The following TIAM1 variants were observed in gnomAD, a reference collection of about 807,000 sequenced individuals.
TIAM1 encodes the protein rho guanine nucleotide exchange factor TIAM1.
Under a neutral mutation model 163.5 loss-of-function variants are expected in TIAM1, and 65 were observed. The observed-to-expected ratio is 0.40, with a 90% CI of 0.33 to 0.49. TIAM1 has a LOEUF of 0.49. Ranked by LOEUF, TIAM1 falls within the 20% of genes least tolerant of loss-of-function variation. TIAM1 has a pLI of 0.77. For synonymous variants in TIAM1, 833 were observed against 810.1 expected (o/e 1.03, Z -0.48); for missense variants, 1,789 against 2,044.7 (o/e 0.87, Z 2.41).
intron 3 of TIAM1, among the ~76,000 whole-genome samples, chr21:31,271,807 A>G (rs1255155495): frequency 6.6e-6 from 1 of 152,148 alleles, no homozygotes; most frequent in African/African-American, 2.4e-5. Flanking sequence ...TATGGGGTCA[A>G]AGCATCAGGA....
intron 2 of TIAM1, among the ~76,000 whole-genome samples, chr21:31,360,967 G>A (rs752325704): frequency 6.6e-6 from 1 of 152,020 alleles, no homozygotes; most frequent in Non-Finnish European, 1.5e-5. Flanking sequence ...AGTGTAATTG[G>A]GTCAGGCACT....
intron 10 of TIAM1, among the ~76,000 whole-genome samples, chr21:31,210,959 T>C (rs897127178): frequency 9.3e-5 from 14 of 150,786 alleles, no homozygotes; most frequent in South Asian, 2.1e-4. Context: ...TTTTTTTTTT[T>C]CAAAAAGATC....
chr21:31,323,256 C>G (rs2075375509), intron 2 of TIAM1, among the ~76,000 whole-genome samples: 1 of 151,176 alleles, frequency 6.6e-6, no homozygotes, highest in Non-Finnish European at 1.5e-5. Flanking sequence ...CCACTGTACT[C>G]CAGCCTGGGC....
chr21:31,144,735 A>G (rs9976219), intron 20 of TIAM1, among the ~76,000 whole-genome samples: 67,130 of 150,038 alleles, frequency 0.45, 15,445 homozygotes, highest in East Asian at 0.71. Context: ...AGGCTGAGGC[A>G]GGATAATCAC....
intron 14 of TIAM1, among the ~76,000 whole-genome samples, chr21:31,184,680 T>TA (rs892011145): frequency 6.6e-6 from 1 of 152,106 alleles, no homozygotes; most frequent in African/African-American, 2.4e-5. Flanking sequence ...ATGAAAGAGA[T>TA]AAAAATCAGT....
chr21:31,178,781 C>T (rs1257619095), intron 15 of TIAM1, among the ~76,000 whole-genome samples: 1 of 151,868 alleles, frequency 6.6e-6, no homozygotes, highest in Admixed American at 6.6e-5. Flanking sequence ...GATGGAGTTT[C>T]GCTCTTGTTG....
At chr21:31,306,790 G>C (rs1341047016) in intron 2 of TIAM1, among the ~76,000 whole-genome samples, 1 of 152,142 alleles carries the variant, frequency 6.6e-6, no homozygotes, top group African/African-American at 2.4e-5. Context: ...CTAAAGACAC[G>C]AGACAATCAC....
intron 2 of TIAM1, among the ~76,000 whole-genome samples, chr21:31,405,138 T>C (rs1213630015): frequency 1.3e-5 from 2 of 152,072 alleles, no homozygotes; most frequent in Non-Finnish European, 2.9e-5. Flanking sequence ...TCCCAAGTAC[T>C]CGGAAGGCTA....
At chr21:31,511,693 C>A (rs1345060766) in intron 1 of TIAM1, among the ~76,000 whole-genome samples, 1 of 152,170 alleles carries the variant, frequency 6.6e-6, no homozygotes, top group African/African-American at 2.4e-5. Context: ...CTGGGTCGGG[C>A]CTCCCCGATC....
intron 16 of TIAM1, among the ~76,000 whole-genome samples, chr21:31,158,350 G>A (rs1263663281): frequency 2.0e-5 from 3 of 152,206 alleles, no homozygotes; most frequent in Non-Finnish European, 4.4e-5. Context: ...TATTAGGTAC[G>A]ACCTAGGCCT....
intron 2 of TIAM1, among the ~76,000 whole-genome samples, chr21:31,310,404 C>T (rs1215805480): frequency 6.6e-6 from 1 of 152,152 alleles, no homozygotes; most frequent in Non-Finnish European, 1.5e-5. Context: ...GTGACATAGG[C>T]AGTAAGTAAA....
intron 12 of TIAM1, among the ~76,000 whole-genome samples, chr21:31,201,574 G>C (rs1452034916): frequency 1.3e-5 from 2 of 152,180 alleles, no homozygotes; most frequent in Non-Finnish European, 2.9e-5. Flanking sequence ...CCTTAAAGTT[G>C]GCAAGAGTTT....
chr21:31,205,878 G>C (rs1395509483), intron 11 of TIAM1, among the ~76,000 whole-genome samples: 1 of 152,128 alleles, frequency 6.6e-6, no homozygotes, highest in Non-Finnish European at 1.5e-5. Context: ...TGAGGCGGGA[G>C]GATTGCTTGA....
chr21:31,148,594 A>T (rs551654863), intron 19 of TIAM1, among the ~76,000 whole-genome samples: 1 of 152,344 alleles, frequency 6.6e-6, no homozygotes, highest in East Asian at 1.9e-4. Context: ...TGCTAAATGT[A>T]ACCCCTCCCT....
At chr21:31,345,888 T>G (rs2076138580), upstream of TIAM1, among the ~76,000 whole-genome samples, 1 of 152,138 alleles carries the variant, frequency 6.6e-6, no homozygotes, top group Admixed American at 6.5e-5. Flanking sequence ...AGGTGGAGGT[T>G]GCAGTGAGCC....
chr21:31,126,493 G>A (rs1292504988), intron 26 of TIAM1, among the ~76,000 whole-genome samples: 1 of 152,096 alleles, frequency 6.6e-6, no homozygotes, highest in Non-Finnish European at 1.5e-5. Flanking sequence ...CATGAACCCA[G>A]GAGGCAGAGG....
At chr21:31,439,236 C>T (rs145888648) in intron 2 of TIAM1, among the ~76,000 whole-genome samples, 3 of 152,296 alleles carry the variant, frequency 2.0e-5, no homozygotes, top group Non-Finnish European at 4.4e-5. Context: ...TACCATCTTT[C>T]CTTGAACCCA....
rs58680725 is a variant in TIAM1, at chr21:31,362,480, T to TTAC, written c.-368-23059_-368-23058insGTA. Among the ~76,000 whole-genome samples the TTAC allele has an allele frequency of 6.1e-4, 89 of 146,780 alleles. 1 individual carries two copies. The highest frequency in any genetic ancestry group is 4.3e-4 in the Non-Finnish European group (29 of 67,540). On this transcript the variant is annotated intron_variant, in intron 2 of 28. Coordinates refer to the TIAM1 transcript ENST00000286827. Reference sequence around the variant, plus strand: ...ATTATTATTATTATTATTATTATTATATTTGAGAAAAGGTCTCGCTTTGTC... The same window carrying TTAC: ...ATTATTATTATTATTATTATTATTATTACATTTGAGAAAAGGTCTCGCTTTGTC...
chr21:31,306,832 C>T (rs556866726), intron 2 of TIAM1, among the ~76,000 whole-genome samples: 6 of 152,306 alleles, frequency 3.9e-5, no homozygotes, highest in African/African-American at 1.4e-4. Flanking sequence ...TGGAAACCTT[C>T]GCCGTTTTCC....
Sources: gnomAD v4.1 joint callset for allele counts (sites outside exome capture counted in the v4.1 genomes callset) on GRCh38, gnomAD v4.1.1 for gene constraint, MANE v1.5 for transcripts, NCBI Gene and HGNC (gene_info 2026-07-23, HGNC 2026-07-21) for gene names.